The following CFAP43 variants were observed in gnomAD, a reference collection of about 807,000 sequenced individuals.
CFAP43 encodes the protein cilia and flagella associated protein 43.
A neutral mutation model predicts 218.9 loss-of-function variants in CFAP43; 155 were observed. The observed-to-expected ratio is 0.71, with a 90% CI of 0.62 to 0.81. The LOEUF (loss-of-function observed/expected upper bound fraction) is 0.81, where lower values mean the gene tolerates loss of function less well. Ranked by LOEUF, CFAP43 falls within the 30% of genes least tolerant of loss-of-function variation. CFAP43 has a pLI of 0.00. For synonymous variants in CFAP43, 645 were observed against 681.3 expected (o/e 0.95, Z 0.83); for missense variants, 1,778 against 1,954.3 (o/e 0.91, Z 1.70).
At position 104,130,960 on chromosome 10, in the gene CFAP43, C is replaced by T. The variant is rs552485635; in HGVS notation, c.4831+371G>A. The stretch of plus-strand genomic sequence containing the variant: ...GTTGCATTGAGCCAAGATCATACCA[C>T]TGCACTGCAGCTTGGGCAACAGAGG... On this transcript the variant is annotated intron_variant, in intron 37 of 37. Coordinates refer to ENST00000357060, the MANE Select transcript of CFAP43 (RefSeq NM_025145.7). Among the ~76,000 whole-genome samples, 114 of 140,902 alleles carry T rather than the reference C, an allele frequency of 8.1e-4. 1 individual carries two copies. The highest frequency in any genetic ancestry group is 3.0e-3 in the African/African-American group (111 of 37,112). 92.4% of individuals were successfully genotyped at this position (140,902 alleles called of 152,430 possible).
chr10:104,152,133 A>G (rs924893525), intron 28 of CFAP43, among the ~76,000 whole-genome samples: 5 of 152,074 alleles, frequency 3.3e-5, no homozygotes, highest in African/African-American at 9.7e-5. Context: ...GCCCTTTGCT[A>G]TTTGCTGGAG....
intron 21 of CFAP43, among the ~76,000 whole-genome samples, chr10:104,168,047 T>C (rs1010228480): frequency 2.0e-5 from 3 of 152,186 alleles, no homozygotes; most frequent in Admixed American, 1.3e-4. Context: ...CTTTTTTTTA[T>C]TGTAATTACT....
intron 2 of CFAP43, among the ~76,000 whole-genome samples, chr10:104,227,641 A>T (rs1589823860): frequency 6.6e-6 from 1 of 152,190 alleles, no homozygotes; most frequent in Middle Eastern, 3.4e-3. Context: ...AATGCTCTGA[A>T]AATATTTGAT....
chr10:104,166,890 G>A (rs1395390684), intron 22 of CFAP43, among the ~76,000 whole-genome samples, 172 bp from the exon 23 acceptor site: 1 of 152,162 alleles, frequency 6.6e-6, no homozygotes, highest in Admixed American at 6.5e-5. Context: ...AAGAGATTAA[G>A]GCTTCAGAAA....
intron 29 of CFAP43, among the ~76,000 whole-genome samples, chr10:104,147,478 G>C (rs1339698513): frequency 6.6e-6 from 1 of 151,834 alleles, no homozygotes; most frequent in African/African-American, 2.4e-5. Context: ...CTATACGCAA[G>C]CCCATTGCTT....
chr10:104,165,860 G>A (rs969969122), intron 23 of CFAP43, among the ~76,000 whole-genome samples: 2 of 152,046 alleles, frequency 1.3e-5, no homozygotes, highest in African/African-American at 2.4e-5. Flanking sequence ...TGGGTATACC[G>A]AGAAAACGGA....
intron 35 of CFAP43, 127 bp downstream of exon 35, chr10:104,133,493 T>C: frequency 9.9e-7 from 1 of 1,006,964 alleles, no homozygotes; most frequent in South Asian, 2.0e-5. Flanking sequence ...CTCACAGATA[T>C]ATTTTGAAAC....
At chr10:104,132,248 T>C (rs763787950) in intron 35 of CFAP43, 52 bp from the exon 36 acceptor site, 16 of 1,283,744 alleles carry the variant, frequency 1.2e-5, no homozygotes, top group Non-Finnish European at 1.8e-5. Flanking sequence ...TTTCAATAGA[T>C]GACTTTATAA....
intron 7 of CFAP43, among the ~76,000 whole-genome samples, chr10:104,205,734 G>A (rs184626236): frequency 5.9e-5 from 9 of 152,194 alleles, no homozygotes; most frequent in African/African-American, 1.9e-4. Flanking sequence ...TTCTATTTGT[G>A]TTTGTTTGCA....
rs913137052 is a variant in CFAP43 at position 104,228,188 on chromosome 10, CT to C, written c.319+2401del. ...GTGGATTTGTTATTTATATTTAATGCTTTTTTTCATCTGATATAGACCATGA... is the reference window on the plus strand; with the variant it reads ...GTGGATTTGTTATTTATATTTAATGCTTTTTTCATCTGATATAGACCATGA... On this transcript the variant is annotated intron_variant, in intron 2 of 37. Coordinates refer to ENST00000357060, the MANE Select transcript of CFAP43 (RefSeq NM_025145.7). Among the ~76,000 whole-genome samples, 5 of 152,086 alleles carry C rather than the reference CT, an allele frequency of 3.3e-5. No individual in the cohort carries two copies. In the East Asian group the frequency reaches 9.6e-4, roughly 29 times the overall value.
intron 12 of CFAP43, among the ~76,000 whole-genome samples, chr10:104,191,472 C>T (rs368381734): frequency 1.2e-4 from 18 of 152,172 alleles, no homozygotes; most frequent in Admixed American, 7.2e-4. Flanking sequence ...TCCAATCCTC[C>T]GCACCCCCTG....
intron 29 of CFAP43, 50 bp downstream of exon 29, chr10:104,147,841 G>A: frequency 7.7e-7 from 1 of 1,302,542 alleles, no homozygotes; most frequent in South Asian, 1.4e-5. Context: ...TAAATGAGGG[G>A]CATGTCTATC....
chr10:104,211,397 T>C (rs1012043353), intron 5 of CFAP43, among the ~76,000 whole-genome samples: 2 of 152,178 alleles, frequency 1.3e-5, no homozygotes, highest in African/African-American at 4.8e-5. Context: ...AGAAACTTGA[T>C]AAATCTCTGT....
In CFAP43 at chr10:104,142,355, A is replaced by C; in HGVS notation, c.4197T>G (p.Thr1399=). 1 of 1,613,494 alleles carries C rather than the reference A, an allele frequency of 6.2e-7. No individual in the cohort carries two copies. The highest frequency in any genetic ancestry group is 8.5e-7 in the Non-Finnish European group (1 of 1,179,728). The change falls in exon 33 of 38, where the codon ACT becomes ACG. Residue 1399 remains threonine, a synonymous_variant. Transcript: ENST00000357060. ...CCTCCTCAACTCTCTTCTGGAGGAA[A>C]GTTGCCATTTCCAATAAGTCAGCTG... ...QKAADLLEMA[T]FLQKRVEEEE... is the part of the protein sequence containing the mutation.
At chr10:104,157,750 G>A (rs940958328) in intron 27 of CFAP43, among the ~76,000 whole-genome samples, 10 of 115,808 alleles carry the variant, frequency 8.6e-5, no homozygotes, top group Non-Finnish European at 1.6e-4. Flanking sequence ...GTGTGTGTGT[G>A]TGTGTGTGTG....
rs1490750501 is a variant in CFAP43 at position 104,140,910 on chromosome 10, C to T, written c.4363G>A (p.Val1455Ile). 6.2e-7 allele frequency: 1 copy of T among 1,613,438 alleles called. No homozygotes were observed. The highest frequency in any genetic ancestry group is 1.1e-5 in the South Asian group (1 of 90,976). The change falls in exon 34 of 38, where the codon GTA (valine) becomes ATA (isoleucine). Residue 1455 changes from valine (V) to isoleucine (I), a missense_variant. By Grantham distance (29) the Val-to-Ile change is conservative. Coordinates refer to ENST00000357060, the MANE Select transcript of CFAP43 (RefSeq NM_025145.7). ...GQVELENFQLVLEYSDAILIN... is the reference protein window; with the variant it reads ...GQVELENFQLILEYSDAILIN... ...AGAATTGCATCAGAATACTCCAGTA[C>T]TAGCTGGAAATTTTCCAGTTCTACT...
chr10:104,225,317 T>C, intron 3 of CFAP43, 144 bp downstream of exon 3: 1 of 634,350 alleles, frequency 1.6e-6, no homozygotes, highest in Non-Finnish European at 2.6e-6. Flanking sequence ...ACATAGCAAC[T>C]GTATTAAAAC....
intron 7 of CFAP43, among the ~76,000 whole-genome samples, chr10:104,204,614 G>A (rs1233837668): frequency 6.6e-6 from 1 of 152,168 alleles, no homozygotes; most frequent in Non-Finnish European, 1.5e-5. Context: ...AACATCAAGG[G>A]TGGTCTTGAA....
chr10:104,170,248 T>C (rs2134840524), intron 20 of CFAP43, among the ~76,000 whole-genome samples: 1 of 152,100 alleles, frequency 6.6e-6, no homozygotes, highest in Middle Eastern at 3.4e-3. Flanking sequence ...AAGGCCTTTC[T>C]CTGCACCAAA....
Sources: allele counts gnomAD v4.1 joint callset (sites outside exome capture counted in the v4.1 genomes callset), GRCh38; gene constraint gnomAD v4.1.1; transcripts MANE v1.5; gene names NCBI Gene and HGNC (gene_info 2026-07-23, HGNC 2026-07-21).